The following ATF6 variants were observed in gnomAD, a reference collection of about 807,000 sequenced individuals.
The protein encoded by ATF6 is activating transcription factor 6.
A neutral mutation model predicts 83.6 loss-of-function variants in ATF6; 53 were observed. The ratio of observed to expected loss-of-function variants is 0.63; its 90% CI spans 0.51 to 0.80. The LOEUF is 0.80. ATF6 is among the 30% of genes least tolerant of loss of function. ATF6 has a pLI of 0.00. For synonymous variants in ATF6, 288 were observed against 285.8 expected (o/e 1.01, Z -0.08); for missense variants, 744 against 797.9 (o/e 0.93, Z 0.81).
chr1:161,908,532 C>T (rs1199608413), intron 14 of ATF6, among the ~76,000 whole-genome samples: 1 of 151,576 alleles, frequency 6.6e-6, no homozygotes, highest in African/African-American at 2.4e-5. Flanking sequence ...TCCCCGCCCC[C>T]TCCCCTCCAT....
At chr1:161,951,733 A>G (rs926190007) in intron 15 of ATF6, among the ~76,000 whole-genome samples, 1 of 152,208 alleles carries the variant, frequency 6.6e-6, no homozygotes, top group African/African-American at 2.4e-5. Context: ...TTGTTTGATG[A>G]TTTACCAGTA....
intron 14 of ATF6, among the ~76,000 whole-genome samples, chr1:161,867,396 TACTC>T (rs1487824192): frequency 2.3e-4 from 35 of 152,000 alleles, no homozygotes; most frequent in Middle Eastern, 3.4e-3. Context: ...CAGAAACAAA[TACTC>T]AGGAAAGCTC....
At chr1:161,870,798 C>G (rs1687107104) in intron 14 of ATF6, among the ~76,000 whole-genome samples, 1 of 151,766 alleles carries the variant, frequency 6.6e-6, no homozygotes, top group Non-Finnish European at 1.5e-5. Context: ...TAGCCACAAA[C>G]AGAGAACTTA....
intron 14 of ATF6, among the ~76,000 whole-genome samples, chr1:161,908,041 A>G (rs7529916): frequency 6.6e-6 from 1 of 152,222 alleles, no homozygotes; most frequent in African/African-American, 2.4e-5. Context: ...CTATTAGTTT[A>G]TGTAATATTT....
chr1:161,817,992 T>G (rs553408392), intron 7 of ATF6, among the ~76,000 whole-genome samples: 3 of 151,208 alleles, frequency 2.0e-5, no homozygotes, highest in East Asian at 3.9e-4. Context: ...TCCCAGCTAC[T>G]CGGGAGGCTG....
intron 9 of ATF6, among the ~76,000 whole-genome samples, chr1:161,836,583 C>T (rs1056952365): frequency 6.6e-6 from 1 of 152,178 alleles, no homozygotes; most frequent in Non-Finnish European, 1.5e-5. Flanking sequence ...AAAAATGTGT[C>T]TACACAAAGT....
chr1:161,783,208 G>A (rs1684675418), intron 3 of ATF6, among the ~76,000 whole-genome samples: 1 of 152,080 alleles, frequency 6.6e-6, no homozygotes, highest in Admixed American at 6.6e-5. Context: ...AATTCACATA[G>A]CATTACTTCT....
intron 14 of ATF6, among the ~76,000 whole-genome samples, chr1:161,886,713 G>C (rs550523425): frequency 6.6e-6 from 1 of 152,156 alleles, no homozygotes; most frequent in Non-Finnish European, 1.5e-5. Flanking sequence ...TATGTGGTGC[G>C]TAAGTGTACT....
intron 14 of ATF6, among the ~76,000 whole-genome samples, chr1:161,901,729 A>G (rs1302089492): frequency 1.3e-5 from 2 of 152,148 alleles, no homozygotes; most frequent in African/African-American, 4.8e-5. Context: ...TTGTTTTGAT[A>G]CTACATAAAA....
Position 161,961,298 on chromosome 1 carries a change from G to A in ATF6, c.*2644G>A, listed in dbSNP as rs904952914. ...TGCCTGTAAGGTGCCGCCTAGAGCAGCCTGGGAGCTTTGCCTTCTTTTGTC... is the reference window on the plus strand; with the variant it reads ...TGCCTGTAAGGTGCCGCCTAGAGCAACCTGGGAGCTTTGCCTTCTTTTGTC... On this transcript the variant is annotated 3_prime_UTR_variant, in exon 16 of 16. Transcript: ENST00000367942. 4.6e-5 allele frequency: 7 copies of A among 152,254 alleles called. No homozygotes were observed. Among genetic ancestry groups the A allele is most frequent in the Non-Finnish European group, 7.3e-5 (5 of 68,090 alleles). 9.4% of individuals were successfully genotyped at this position (152,254 alleles called of 1,614,324 possible). A position where few individuals can be genotyped will look rare whatever the true frequency, so the allele number is the denominator to read the frequency against.
At chr1:161,849,967 T>C (rs1422560083) in intron 10 of ATF6, among the ~76,000 whole-genome samples, 2 of 152,172 alleles carry the variant, frequency 1.3e-5, no homozygotes, top group African/African-American at 4.8e-5. Flanking sequence ...CAACAAGTGT[T>C]GTTGATACTC....
At chr1:161,880,588 T>C (rs1310195830) in intron 14 of ATF6, among the ~76,000 whole-genome samples, 1 of 152,184 alleles carries the variant, frequency 6.6e-6, no homozygotes, top group Non-Finnish European at 1.5e-5. Flanking sequence ...TAATCCATGG[T>C]GTTGCTTGTA....
chr1:161,918,981 G>A (rs776415653), intron 15 of ATF6, among the ~76,000 whole-genome samples: 1 of 152,162 alleles, frequency 6.6e-6, no homozygotes, highest in African/African-American at 2.4e-5. Flanking sequence ...ATACTTTGTG[G>A]TTTTAAGCCA....
intron 9 of ATF6, among the ~76,000 whole-genome samples, chr1:161,838,672 A>T (rs1484937277): frequency 6.6e-6 from 1 of 152,216 alleles, no homozygotes; most frequent in Non-Finnish European, 1.5e-5. Context: ...ATCTATTAGA[A>T]TAGTGCTTGC....
Position 161,921,138 on chromosome 1 carries a change from G to C in ATF6, c.1804+8758G>C, listed in dbSNP as rs184188181. 2.8e-3 allele frequency among the ~76,000 whole-genome samples: 427 copies of C among 152,252 alleles called. 1 individual carries two copies. The highest frequency in any genetic ancestry group is 0.01 in the African/African-American group (420 of 41,546). ...GAGTCAACAACTTAAGAGCAGCTAA[G>C]GCCAAGCAGCAGCTGCTTGCTGCAG... is the stretch of plus-strand genomic sequence containing the variant. On this transcript the variant is annotated intron_variant, in intron 15 of 15. Transcript: ENST00000367942.
intron 1 of ATF6, among the ~76,000 whole-genome samples, chr1:161,777,588 C>G (rs1015040945): frequency 2.0e-5 from 3 of 152,134 alleles, no homozygotes; most frequent in East Asian, 1.9e-4. Context: ...TGGTGAGGAG[C>G]CTTCTTGGGC....
At chr1:161,886,603 A>G (rs574883551) in intron 14 of ATF6, among the ~76,000 whole-genome samples, 1 of 152,352 alleles carries the variant, frequency 6.6e-6, no homozygotes, top group Non-Finnish European at 1.5e-5. Context: ...GATCTGCATC[A>G]CCAACATTAA....
chr1:161,958,765 A>G lies in ATF6; in HGVS notation c.*111A>G, dbSNP rs141867476. 1.6e-3 allele frequency: 1,421 copies of G among 896,878 alleles called. 17 individuals carry two copies. In the African/African-American group the frequency reaches 0.022, roughly 14 times the overall value. The allele number at this position is 896,878 out of a possible 1,614,324, so 55.6% of individuals were successfully genotyped here. A position where few individuals can be genotyped will look rare whatever the true frequency, so the allele number is the denominator to read the frequency against. On this transcript the variant is annotated 3_prime_UTR_variant, in exon 16 of 16. Coordinates refer to ENST00000367942, the MANE Select transcript of ATF6 (RefSeq NM_007348.4). ...GGCAGGCAGAGAACTGTCTCGTACT[A>G]GAATTCAAGGAGGAAAGAAGAAGAA...
intron 14 of ATF6, among the ~76,000 whole-genome samples, chr1:161,907,727 T>C (rs536747631): frequency 1.9e-4 from 29 of 152,322 alleles, no homozygotes; most frequent in Admixed American, 1.6e-3. Flanking sequence ...TAAAAAGATA[T>C]GTATCTTTAT....
Sources: gnomAD v4.1 joint callset for allele counts (sites outside exome capture counted in the v4.1 genomes callset) on GRCh38, gnomAD v4.1.1 for gene constraint, MANE v1.5 for transcripts, NCBI Gene and HGNC (gene_info 2026-07-23, HGNC 2026-07-21) for gene names.